Variants in TEC observed in about 807,000 individuals in gnomAD.
The protein encoded by TEC is tec protein tyrosine kinase, also known as tyrosine-protein kinase Tec.
Under a neutral mutation model 93.0 loss-of-function variants are expected in TEC, and 72 were observed. The ratio of observed to expected loss-of-function variants is 0.77; its 90% CI spans 0.64 to 0.94. The LOEUF (loss-of-function observed/expected upper bound fraction) is 0.94. Among genes scored for constraint, TEC ranks in the 40% least tolerant of loss-of-function variants. The pLI, the probability that TEC is intolerant of heterozygous loss-of-function variation, is 0.00. For synonymous variants in TEC, 249 were observed against 247.7 expected, an observed-to-expected ratio of 1.01 and a Z score of -0.05; for missense variants, 630 against 757.9, an observed-to-expected ratio of 0.83 and a Z score of 1.98.
At chr4:48,225,625 G>C (rs2704424) in intron 2 of TEC, among the ~76,000 whole-genome samples, 60,418 of 152,080 alleles carry the variant, frequency 0.4, 15,495 homozygotes, top group African/African-American at 0.71. Flanking sequence ...AGAAGCCAGG[G>C]AGAGCTGTTG....
chr4:48,266,076 G>A (rs1724632054), intron 1 of TEC, among the ~76,000 whole-genome samples: 1 of 152,186 alleles, frequency 6.6e-6, no homozygotes, highest in South Asian at 2.1e-4. Context: ...GAAGTCAATA[G>A]AACAATGCCT....
At chr4:48,225,581 G>A (rs1723426053) in intron 2 of TEC, among the ~76,000 whole-genome samples, 3 of 152,228 alleles carry the variant, frequency 2.0e-5, no homozygotes, top group Admixed American at 2.0e-4. Context: ...AAACATGGAA[G>A]AAACATAGCA....
intron 2 of TEC, among the ~76,000 whole-genome samples, chr4:48,226,599 G>A (rs1361176018): frequency 2.0e-5 from 3 of 150,654 alleles, no homozygotes; most frequent in Non-Finnish European, 4.5e-5. Context: ...TTACTTTATT[G>A]TAAGAATACA....
chr4:48,175,557 C>T (rs1259288215), intron 3 of TEC, among the ~76,000 whole-genome samples: 2 of 152,136 alleles, frequency 1.3e-5, no homozygotes, highest in Non-Finnish European at 2.9e-5. Context: ...TAGCTCAGGA[C>T]GCCGGACCCT....
At position 48,136,617 on chromosome 4, in the gene TEC, T is replaced by C. The variant is rs997201740; in HGVS notation, c.*799A>G. On this transcript the variant is annotated 3_prime_UTR_variant, in exon 18 of 18. Transcript: ENST00000381501. ...TGCACGTGGTTAAGCTGGACAGGCA[T>C]CCCCAGACACATTTACCTGAGTGAG... is the stretch of plus-strand genomic sequence containing the variant. The C allele has an allele frequency of 2.0e-5, 3 of 152,096 alleles. No individual in the cohort carries two copies. In the East Asian group the frequency reaches 5.8e-4, roughly 29 times the overall value. 9.4% of individuals were successfully genotyped at this position (152,096 alleles called of 1,614,324 possible). A position where few individuals can be genotyped will look rare whatever the true frequency, so the allele number is the denominator to read the frequency against.
At chr4:48,156,423 G>C (rs1308018419) in intron 9 of TEC, among the ~76,000 whole-genome samples, 15 of 152,154 alleles carry the variant, frequency 9.9e-5, no homozygotes, top group Non-Finnish European at 2.1e-4. Flanking sequence ...TGTCCAGAGG[G>C]CAGGTGTGGG....
chr4:48,155,044 T>A (rs1720337032), intron 9 of TEC, among the ~76,000 whole-genome samples: 3 of 152,162 alleles, frequency 2.0e-5, no homozygotes, highest in Admixed American at 2.0e-4. Context: ...ACTGGGAACC[T>A]AAAGCCTTTT....
Position 48,137,142 on chromosome 4 carries a change from C to A in TEC, c.*274G>T, listed in dbSNP as rs181594218. The stretch of plus-strand genomic sequence containing the variant: ...TGAATGGCCAAACCCTGGGGCTACA[C>A]ACAGTGCCTGGTAAACAACTGTCAC... On this transcript the variant is annotated 3_prime_UTR_variant, in exon 18 of 18. Coordinates refer to ENST00000381501, the MANE Select transcript of TEC (RefSeq NM_003215.3). 35 of 435,112 alleles carry A rather than the reference C, an allele frequency of 8.0e-5. No homozygotes were observed. In the Admixed American group the frequency reaches 1.2e-3, roughly 15 times the overall value. 27.0% of individuals were successfully genotyped at this position (435,112 alleles called of 1,614,324 possible).
Position 48,137,469 on chromosome 4 carries a change from G to T in TEC, c.1843C>A (p.Leu615Met). Reference protein sequence around the residue: ...KPEGRPSFEDLLRTIDELVEC... With the variant: ...KPEGRPSFEDMLRTIDELVEC... Reference sequence around the variant, plus strand: ...ACTAGTTCATCTATTGTGCGCAGCAGATCTTCGAAAGAAGGCCTTCCCTCT... The same window carrying T: ...ACTAGTTCATCTATTGTGCGCAGCATATCTTCGAAAGAAGGCCTTCCCTCT... Residue 615 changes from leucine to methionine, a missense_variant, in exon 18 of 18, where the codon CTG becomes ATG. Physicochemically the swap from Leu to Met is conservative, Grantham distance 15 (BLOSUM62 2). Around this residue, in one of 3 missense-constraint regions of TEC, gnomAD observed 289 missense variants for 390.0 expected, o/e 0.74. Transcript: ENST00000381501. 6.2e-7 allele frequency: 1 copy of T among 1,614,160 alleles called. No homozygotes were observed. The highest frequency in any genetic ancestry group is 8.5e-7 in the Non-Finnish European group (1 of 1,180,008).
At chr4:48,254,061 T>C (rs1377356371) in intron 1 of TEC, among the ~76,000 whole-genome samples, 2 of 152,234 alleles carry the variant, frequency 1.3e-5, no homozygotes, top group African/African-American at 4.8e-5. Flanking sequence ...GTCCTGATCA[T>C]ACGTAATCTC....
rs1283975092 is a variant in TEC at position 48,139,000 on chromosome 4, T to G, written c.1558A>C (p.Thr520Pro). The G allele has an allele frequency of 4.3e-6, 7 of 1,614,194 alleles. No individual in the cohort carries two copies. Among genetic ancestry groups the G allele is most frequent in the Non-Finnish European group, 5.9e-6 (7 of 1,180,010 alleles). Residue 520 changes from threonine to proline, a missense_variant, in exon 16 of 18, where the codon ACA becomes CCA. Transcript: ENST00000381501. ...GGAAACTTAGCACCAGAAGAACTTG[T>G]GTACTGATCATCCAGAACATACCTA... ...MARYVLDDQY[T>P]SSSGAKFPVK... is the part of the protein sequence containing the mutation.
chr4:48,205,498 A>C (rs1722671776), intron 2 of TEC, among the ~76,000 whole-genome samples: 1 of 152,236 alleles, frequency 6.6e-6, no homozygotes, highest in African/African-American at 2.4e-5. Flanking sequence ...TTATTAGCAC[A>C]TCACTGTCCC....
intron 3 of TEC, 84 bp downstream of exon 3, chr4:48,175,994 CAGCA>C: frequency 9.8e-7 from 1 of 1,018,100 alleles, no homozygotes; most frequent in Non-Finnish European, 1.5e-6. Context: ...ACAAATCAGC[CAGCA>C]AAGCAAGGAC....
In TEC at chr4:48,165,543, A is replaced by C. The variant is rs75227043; in HGVS notation, c.672-1776T>G. 7.2e-3 allele frequency among the ~76,000 whole-genome samples: 1,093 copies of C among 152,286 alleles called. 15 individuals carry two copies. Among genetic ancestry groups the C allele is most frequent in the African/African-American group, 0.025 (1,030 of 41,556 alleles). On this transcript the variant is annotated intron_variant, in intron 7 of 17. Coordinates refer to ENST00000381501, the MANE Select transcript of TEC (RefSeq NM_003215.3). ...ATGAAGAACTTTATGACAGAGGAAC[A>C]AGTCTGACACCTGAACCACTAAGCA... is the stretch of plus-strand genomic sequence containing the variant.
At chr4:48,254,208 T>C (rs1724282298) in intron 1 of TEC, among the ~76,000 whole-genome samples, 1 of 152,152 alleles carries the variant, frequency 6.6e-6, no homozygotes, top group Non-Finnish European at 1.5e-5. Flanking sequence ...CTGGGAGAGA[T>C]GACCATGAAC....
chr4:48,145,606 A>ATATT, intron 12 of TEC, 27 bp from the exon 13 acceptor site: 1 of 1,609,638 alleles, frequency 6.2e-7, no homozygotes. Flanking sequence ...GAAAGTGTTC[A>ATATT]TATTTAAAAA....
At chr4:48,254,893 ACACAGCAAGCTGAACAT>A (rs1279039091) in intron 1 of TEC, among the ~76,000 whole-genome samples, 184 of 152,294 alleles carry the variant, frequency 1.2e-3, no homozygotes, top group African/African-American at 4.1e-3. Context: ...CCTAAAAGGG[ACACAGCAAGCTGAACAT>A]GGTGCAGAGT....
At chr4:48,170,817 G>A (rs533731963) in intron 4 of TEC, among the ~76,000 whole-genome samples, 8 of 152,260 alleles carry the variant, frequency 5.3e-5, no homozygotes, top group African/African-American at 1.4e-4. Context: ...TTGGGAGGCC[G>A]AGGTGGGCAG....
At chr4:48,199,181 T>C (rs1358017481) in intron 2 of TEC, among the ~76,000 whole-genome samples, 2 of 152,220 alleles carry the variant, frequency 1.3e-5, no homozygotes, top group African/African-American at 2.4e-5. Context: ...GCCCACAGCA[T>C]GTCCTCTCAG....
Sources: allele counts gnomAD v4.1 joint callset (sites outside exome capture counted in the v4.1 genomes callset), GRCh38; gene constraint gnomAD v4.1.1; regional missense constraint gnomAD v4.1.1; transcripts MANE v1.5; gene names NCBI Gene and HGNC (gene_info 2026-07-23, HGNC 2026-07-21).